Variants in CEP44 observed in about 807,000 individuals in gnomAD.
The protein encoded by CEP44 is centrosomal protein 44.
Under a neutral mutation model 46.7 loss-of-function variants are expected in CEP44, and 45 were observed. The observed-to-expected ratio is 0.96, with a 90% CI of 0.76 to 1.24. CEP44 has a LOEUF of 1.24. Among genes scored for constraint, CEP44 ranks in the 50% most tolerant of loss-of-function variants. CEP44 has a pLI of 0.00. For missense variants in CEP44, 475 were observed against 459.7 expected (o/e 1.03, Z -0.30); for synonymous variants, 142 against 146.0 (o/e 0.97, Z 0.20).
Position 174,331,558 on chromosome 4 carries a change from C to T in CEP44, c.1163C>T (p.Ser388Leu). Residue 388 changes from serine to leucine, a missense_variant, in exon 9 of 9, where the codon TCA becomes TTA. Physicochemically the swap from Ser to Leu is moderately radical, Grantham distance 145. Transcript: ENST00000426172. The surrounding 1 kb of genome is among the most constrained non-coding windows in gnomAD (Gnocchi z 4.5). ...CTCCGTGGGCATACTTCATACCTTTCATCACAGAGCTTTGCTTGGCCTCTC... is the reference window on the plus strand; with the variant it reads ...CTCCGTGGGCATACTTCATACCTTTTATCACAGAGCTTTGCTTGGCCTCTC... The T allele has an allele frequency of 3.2e-6, 5 of 1,551,528 alleles. No homozygotes were observed. In the Middle Eastern group the frequency reaches 8.3e-4, roughly 259 times the overall value.
At chr4:174,304,677 G>A (rs910882180) in intron 6 of CEP44, among the ~76,000 whole-genome samples, 1 of 152,158 alleles carries the variant, frequency 6.6e-6, no homozygotes, top group East Asian at 1.9e-4. Flanking sequence ...GCTCTTAATT[G>A]TGTTCTGGTC....
rs1220780834 is a variant in CEP44 at position 174,290,605 on chromosome 4, C to T, written c.-148+6662C>T. Among the ~76,000 whole-genome samples, 4 of 151,744 alleles carry T rather than the reference C, an allele frequency of 2.6e-5. No individual in the cohort carries two copies. Among genetic ancestry groups the T allele is most frequent in the Non-Finnish European group, 5.9e-5 (4 of 67,874 alleles). Reference sequence around the variant, plus strand: ...GCAATTTACTTGTTGGTATTCTGTCCGGATGACCAGTACATTATAGACAGT... The same window carrying T: ...GCAATTTACTTGTTGGTATTCTGTCTGGATGACCAGTACATTATAGACAGT... On this transcript the variant is annotated intron_variant, in intron 1 of 11. Coordinates refer to ENST00000503780, the MANE Select transcript of CEP44 (RefSeq NM_001040157.3). The surrounding 1 kb of genome is among the most constrained non-coding windows in gnomAD (Gnocchi z 4.3).
intron 1 of CEP44, among the ~76,000 whole-genome samples, chr4:174,295,654 T>G (rs989858106): frequency 1.3e-5 from 2 of 151,966 alleles, no homozygotes; most frequent in Non-Finnish European, 1.5e-5. Flanking sequence ...AGGTGGAGGT[T>G]GTAGCGAGCC....
intron 1 of CEP44, among the ~76,000 whole-genome samples, chr4:174,295,289 C>G (rs1184540030): frequency 6.6e-6 from 1 of 151,350 alleles, no homozygotes; most frequent in Non-Finnish European, 1.5e-5. Flanking sequence ...TGGGCAGAGA[C>G]GCTCCTCACC....
chr4:174,317,959 G>T lies in CEP44; in HGVS notation c.*576G>T. The stretch of plus-strand genomic sequence containing the variant: ...AGGTTAAGATTCTCCTTTTGTACTG[G>T]GAAACAGGCTGGAGGACTATGGTCC... On this transcript the variant is annotated 3_prime_UTR_variant, in exon 12 of 12. Coordinates refer to ENST00000503780, the MANE Select transcript of CEP44 (RefSeq NM_001040157.3). 1 of 985,274 alleles carries T rather than the reference G, an allele frequency of 1.0e-6. No homozygotes were observed. The highest frequency in any genetic ancestry group is 1.2e-6 in the Non-Finnish European group (1 of 829,854). 61.0% of individuals were successfully genotyped at this position (985,274 alleles called of 1,614,324 possible). A position where few individuals can be genotyped will look rare whatever the true frequency, so the allele number is the denominator to read the frequency against.
chr4:174,311,805 G>GT lies in CEP44; in HGVS notation c.961+953dup, dbSNP rs1741111512. 1.3e-5 allele frequency among the ~76,000 whole-genome samples: 2 copies of GT among 152,134 alleles called. No homozygotes were observed. The highest frequency in any genetic ancestry group is 4.8e-5 in the African/African-American group (2 of 41,442). On this transcript the variant is annotated intron_variant, in intron 9 of 11. Coordinates refer to ENST00000503780, the MANE Select transcript of CEP44 (RefSeq NM_001040157.3). This position sits in a 1 kb window ranked among gnomAD's most constrained non-coding sequence, Gnocchi z 4.4. ...TTTGAATCCAGGCAACTGATCTGAA[G>GT]TTTTTTCTTGACTGCTGCATATTTG...
intron 1 of CEP44, among the ~76,000 whole-genome samples, chr4:174,289,545 A>G (rs543877383): frequency 6.6e-6 from 1 of 151,810 alleles, no homozygotes; most frequent in Non-Finnish European, 1.5e-5. Context: ...ATAATTGTTC[A>G]TAATAGTCCC....
At chr4:174,294,786 C>T (rs1464220592) in intron 1 of CEP44, among the ~76,000 whole-genome samples, 3 of 140,872 alleles carry the variant, frequency 2.1e-5, no homozygotes, top group Non-Finnish European at 4.7e-5. Context: ...CCGGACGGTG[C>T]GGCTGGCCGG....
At chr4:174,294,576 G>T (rs1347616701) in intron 1 of CEP44, among the ~76,000 whole-genome samples, 1 of 151,916 alleles carries the variant, frequency 6.6e-6, no homozygotes. Context: ...CCCAGACGGG[G>T]TGGTGGCTGG....
chr4:174,306,923 A>G (rs1237228914), intron 6 of CEP44, among the ~76,000 whole-genome samples: 2 of 152,150 alleles, frequency 1.3e-5, no homozygotes, highest in Non-Finnish European at 2.9e-5. Flanking sequence ...AAAGATCTCT[A>G]CAAGCAAAAC....
At position 174,299,085 on chromosome 4, in the gene CEP44, C is replaced by T. The variant is rs757449216; in HGVS notation, c.-37C>T. The T allele has an allele frequency of 7.6e-5, 118 of 1,552,050 alleles. No individual in the cohort carries two copies. In the East Asian group the frequency reaches 1.3e-3, roughly 17 times the overall value. On this transcript the variant is annotated 5_prime_UTR_variant, in exon 3 of 12. It adds an upstream start codon to the 5' untranslated region. Coordinates refer to ENST00000503780, the MANE Select transcript of CEP44 (RefSeq NM_001040157.3). ...TTCTATTTTCAGGTGAAAAATTAGA[C>T]GATTTCAAGAATTGGAGCTGAATCT...
At position 174,311,435 on chromosome 4, in the gene CEP44, T is replaced by A. The variant is rs1741067393; in HGVS notation, c.961+577T>A. Reference sequence around the variant, plus strand: ...GCTTTGTTTTGATTGTTATGTATTTTTAAAAGATCTAAATTTTGTGCCATA... The same window carrying A: ...GCTTTGTTTTGATTGTTATGTATTTATAAAAGATCTAAATTTTGTGCCATA... On this transcript the variant is annotated intron_variant, in intron 9 of 11. Transcript: ENST00000503780. The surrounding 1 kb of genome is among the most constrained non-coding windows in gnomAD (Gnocchi z 4.4). Among the ~76,000 whole-genome samples the A allele has an allele frequency of 1.3e-5, 2 of 152,128 alleles. No individual in the cohort carries two copies. The highest frequency in any genetic ancestry group is 2.1e-4 in the South Asian group (1 of 4,838).
In CEP44 at chr4:174,318,333, T is replaced by G. The variant is rs951529269; in HGVS notation, c.*950T>G. The G allele has an allele frequency of 5.1e-6, 5 of 985,350 alleles. No homozygotes were observed. Among genetic ancestry groups the G allele is most frequent in the Non-Finnish European group, 4.8e-6 (4 of 829,912 alleles). The allele number at this position is 985,350 out of a possible 1,614,324, so 61.0% of individuals were successfully genotyped here. ...CTGTCTTGGCCTCCGGCGTAACACTTTTTAAGACCAGTGTAACAGAAAGAG... is the reference window on the plus strand; with the variant it reads ...CTGTCTTGGCCTCCGGCGTAACACTGTTTAAGACCAGTGTAACAGAAAGAG... On this transcript the variant is annotated 3_prime_UTR_variant, in exon 12 of 12. Transcript: ENST00000503780.
At chr4:174,284,528 G>A (rs1737342266) in intron 1 of CEP44, among the ~76,000 whole-genome samples, 1 of 152,148 alleles carries the variant, frequency 6.6e-6, no homozygotes, top group Non-Finnish European at 1.5e-5. Flanking sequence ...CTTTATTGAA[G>A]GCTACAGATT....
Position 174,287,266 on chromosome 4 carries a change from C to T in CEP44, c.-148+3323C>T, listed in dbSNP as rs1376158012. On this transcript the variant is annotated intron_variant, in intron 1 of 11. Transcript: ENST00000503780. The surrounding 1 kb of genome is among the most constrained non-coding windows in gnomAD (Gnocchi z 5.1). ...TTTTCAGGTAGAGTGCTATTTTGGA[C>T]CCTTGGCACAGATTTTGGTTCTTTA... Among the ~76,000 whole-genome samples the T allele has an allele frequency of 1.3e-5, 2 of 152,076 alleles. No homozygotes were observed. Among genetic ancestry groups the T allele is most frequent in the African/African-American group, 2.4e-5 (1 of 41,416 alleles).
chr4:174,296,319 A>T (rs1484956224), intron 1 of CEP44, among the ~76,000 whole-genome samples: 11 of 152,182 alleles, frequency 7.2e-5, no homozygotes, highest in Admixed American at 1.3e-4. Flanking sequence ...TTCAATCTAG[A>T]GAATCATGAC....
At chr4:174,316,672 C>G in intron 11 of CEP44, 105 bp downstream of exon 11, 1 of 1,037,694 alleles carries the variant, frequency 9.6e-7, no homozygotes, top group Non-Finnish European at 1.4e-6. Context: ...TTAAAGGTCT[C>G]TCAATCAGGT....
At chr4:174,293,603 G>T (rs1397538731) in intron 1 of CEP44, among the ~76,000 whole-genome samples, 1 of 151,924 alleles carries the variant, frequency 6.6e-6, no homozygotes, top group Non-Finnish European at 1.5e-5. Context: ...ATCATTTATT[G>T]CCAGTATATA....
chr4:174,315,704 G>A (rs1257959789), intron 9 of CEP44, among the ~76,000 whole-genome samples: 5 of 151,868 alleles, frequency 3.3e-5, no homozygotes, highest in African/African-American at 1.2e-4. Context: ...AGCCGGGCGT[G>A]GTAGCTGGCG....
Sources: allele counts gnomAD v4.1 joint callset (sites outside exome capture counted in the v4.1 genomes callset), GRCh38; gene constraint gnomAD v4.1.1; non-coding constraint Gnocchi (gnomAD v3.1); transcripts MANE v1.5; gene names NCBI Gene and HGNC (gene_info 2026-07-23, HGNC 2026-07-21).